Variants in GATAD2A observed in about 807,000 individuals in gnomAD.
The protein encoded by GATAD2A is transcriptional repressor p66-alpha.
In GATAD2A, 12 loss-of-function variants were observed where a neutral mutation model predicts 68.5. The ratio of observed to expected loss-of-function variants is 0.18; its 90% CI spans 0.11 to 0.28. The LOEUF is 0.28. Ranked by LOEUF, GATAD2A falls within the 10% of genes least tolerant of loss-of-function variation. The probability of loss-of-function intolerance (pLI) is 1.00; values close to 1 mark genes in which losing one functional copy is unlikely to be tolerated. For missense variants in GATAD2A, 755 were observed against 868.5 expected (o/e 0.87, Z 1.64); for synonymous variants, 410 against 375.3 (o/e 1.09, Z -1.07).
chr19:19,438,271 G>T (rs780100069), intron 1 of GATAD2A, among the ~76,000 whole-genome samples: 3 of 152,214 alleles, frequency 2.0e-5, no homozygotes, highest in Non-Finnish European at 4.4e-5. Flanking sequence ...TTGGAGATAG[G>T]CTCTCGCTCT....
intron 2 of GATAD2A, among the ~76,000 whole-genome samples, chr19:19,465,859 A>G (rs1292963936): frequency 6.6e-6 from 1 of 152,228 alleles, no homozygotes; most frequent in Non-Finnish European, 1.5e-5. Context: ...GGCACATTCC[A>G]TCAGCTCCCC....
intron 2 of GATAD2A, among the ~76,000 whole-genome samples, chr19:19,470,155 GT>G (rs377538131): frequency 9.6e-4 from 129 of 134,106 alleles, no homozygotes; most frequent in Admixed American, 4.7e-3. Context: ...TTTTTTTTTT[GT>G]TTTTTTTTTT....
chr19:19,441,094 G>A (rs563301852), intron 1 of GATAD2A, among the ~76,000 whole-genome samples: 80 of 150,238 alleles, frequency 5.3e-4, no homozygotes, highest in African/African-American at 1.6e-3. Flanking sequence ...CCAGGCTGGA[G>A]TGCAGTGGTG....
At chr19:19,444,475 C>G (rs974753702) in intron 1 of GATAD2A, among the ~76,000 whole-genome samples, 1 of 152,084 alleles carries the variant, frequency 6.6e-6, no homozygotes, top group African/African-American at 2.4e-5. Context: ...TGTTGGCACC[C>G]CAAGGGTGTC....
chr19:19,394,594 A>G (rs1416124970), intron 1 of GATAD2A, among the ~76,000 whole-genome samples: 1 of 151,988 alleles, frequency 6.6e-6, no homozygotes, highest in African/African-American at 2.4e-5. Context: ...TACAGGCGGC[A>G]TGCTGCCATG....
intron 1 of GATAD2A, among the ~76,000 whole-genome samples, chr19:19,398,346 G>C (rs1056547398): frequency 6.6e-6 from 1 of 151,936 alleles, no homozygotes; most frequent in African/African-American, 2.4e-5. Context: ...TGAGATTACA[G>C]GCATGCACTA....
At chr19:19,411,226 C>G (rs2050881955) in intron 1 of GATAD2A, among the ~76,000 whole-genome samples, 1 of 152,250 alleles carries the variant, frequency 6.6e-6, no homozygotes, top group South Asian at 2.1e-4. Context: ...GGCTGGGACC[C>G]AACCCAGCCT....
intron 9 of GATAD2A, 133 bp downstream of exon 9, chr19:19,501,549 G>A (rs2148491680): frequency 4.2e-6 from 3 of 718,168 alleles, no homozygotes; most frequent in South Asian, 1.9e-5. Flanking sequence ...GTGTTGGGCG[G>A]CAAAAACACT....
intron 1 of GATAD2A, chr19:19,465,056 A>T: frequency 1.9e-6 from 1 of 521,176 alleles, no homozygotes; most frequent in Non-Finnish European, 3.5e-6. Context: ...GCTCCTGTTC[A>T]GCACCCTGCT....
rs758407289 is a variant in GATAD2A at position 19,492,356 on chromosome 19, C to G, written c.320C>G (p.Ser107Cys). ...RPPSPDVIVL[S>C]DNEQPSSPRV... The stretch of plus-strand genomic sequence containing the variant: ...CCCTCACCTGACGTGATTGTGCTCT[C>G]CGACAACGAGCAGCCCTCGAGCCCG... Residue 107 changes from serine (S) to cysteine (C), a missense_variant, in exon 3 of 12, where the codon TCC (serine) becomes TGC (cysteine). Ser to Cys is a moderately radical substitution (Grantham distance 112). Transcript: ENST00000683918. 1 of 1,611,558 alleles carries G rather than the reference C, an allele frequency of 6.2e-7. No homozygotes were observed. The highest frequency in any genetic ancestry group is 2.2e-5 in the East Asian group (1 of 44,790).
intron 1 of GATAD2A, among the ~76,000 whole-genome samples, chr19:19,386,677 C>A (rs1000687034): frequency 1.1e-4 from 16 of 152,058 alleles, no homozygotes; most frequent in Admixed American, 4.6e-4. Context: ...CCCCGTCTCT[C>A]CGAGGGGAGC....
intron 1 of GATAD2A, among the ~76,000 whole-genome samples, chr19:19,397,229 A>G (rs763564360): frequency 4.6e-5 from 7 of 152,054 alleles, no homozygotes; most frequent in Non-Finnish European, 1.0e-4. Flanking sequence ...TAAACTCAAA[A>G]TAGTATTTAA....
intron 1 of GATAD2A, among the ~76,000 whole-genome samples, chr19:19,411,810 C>G (rs2050960258): frequency 6.6e-6 from 1 of 152,210 alleles, no homozygotes; most frequent in Non-Finnish European, 1.5e-5. Context: ...AGCTTTCTCC[C>G]CCCAGATGTC....
intron 2 of GATAD2A, among the ~76,000 whole-genome samples, chr19:19,481,423 T>G (rs75667002): frequency 1.3e-5 from 2 of 152,116 alleles, no homozygotes; most frequent in Non-Finnish European, 2.9e-5. Flanking sequence ...CTCCAGCTCC[T>G]GGGCTCAAGT....
At chr19:19,394,490 GGTTGGA>G (rs2049077392) in intron 1 of GATAD2A, among the ~76,000 whole-genome samples, 2 of 149,082 alleles carry the variant, frequency 1.3e-5, no homozygotes, top group Non-Finnish European at 3.0e-5. Flanking sequence ...GTGTTGCCCA[GGTTGGA>G]GTGCAGTAGT....
At chr19:19,486,561 G>T (rs998281443) in intron 2 of GATAD2A, among the ~76,000 whole-genome samples, 1 of 152,194 alleles carries the variant, frequency 6.6e-6, no homozygotes, top group African/African-American at 2.4e-5. Context: ...CAGCCTTGGG[G>T]CAGCTCCCGG....
chr19:19,389,901 C>G (rs1254014212), intron 1 of GATAD2A, among the ~76,000 whole-genome samples: 1 of 152,076 alleles, frequency 6.6e-6, no homozygotes, highest in African/African-American at 2.4e-5. Context: ...TAGCTGGGAC[C>G]ACAGGCGCAT....
At chr19:19,456,371 C>T (rs1022990556) in intron 1 of GATAD2A, among the ~76,000 whole-genome samples, 5 of 152,094 alleles carry the variant, frequency 3.3e-5, no homozygotes, top group African/African-American at 1.2e-4. Flanking sequence ...GCAGAAATGG[C>T]AGCCCACCCA....
At chr19:19,401,348 G>A (rs1349270705), upstream of GATAD2A, among the ~76,000 whole-genome samples, 1 of 151,396 alleles carries the variant, frequency 6.6e-6, no homozygotes, top group East Asian at 2.0e-4. Flanking sequence ...CGAGTAGCTG[G>A]GACTACAGGC....
Sources: gnomAD v4.1 joint callset for allele counts (sites outside exome capture counted in the v4.1 genomes callset) on GRCh38, gnomAD v4.1.1 for gene constraint, MANE v1.5 for transcripts, NCBI Gene and HGNC (gene_info 2026-07-23, HGNC 2026-07-21) for gene names.